Variants in IPP observed in about 807,000 individuals in gnomAD.
IPP encodes intracisternal A particle-promoted polypeptide.
Under a neutral mutation model 64.1 loss-of-function variants are expected in IPP, and 41 were observed. The ratio of observed to expected loss-of-function variants is 0.64; its 90% CI spans 0.50 to 0.83. The LOEUF is 0.83. Ranked by LOEUF, IPP falls within the 40% of genes least tolerant of loss-of-function variation. The probability of loss-of-function intolerance (pLI) is 0.00; values close to 1 mark genes in which losing one functional copy is unlikely to be tolerated. For missense variants in IPP, 649 were observed against 703.0 expected, an observed-to-expected ratio of 0.92 and a Z score of 0.87; for synonymous variants, 214 against 235.2, an observed-to-expected ratio of 0.91 and a Z score of 0.83.
chr1:45,714,338 C>G lies in IPP; in HGVS notation c.1438G>C (p.Val480Leu). 1 of 1,613,894 alleles carries G rather than the reference C, an allele frequency of 6.2e-7. No individual in the cohort carries two copies. Among genetic ancestry groups the G allele is most frequent in the Non-Finnish European group, 8.5e-7 (1 of 1,179,736 alleles). The change falls in exon 8 of 9, where the codon GTG becomes CTG. Residue 480 changes from valine (V) to leucine (L), a missense_variant. Transcript: ENST00000396478. ...TAGATGCAGTCATTGAGTGCAGCCA[C>G]ACCAAGATATGCTCTCCTGGTTCCC... ...PMGTRRAYLG[V>L]AALNDCIYSV...
intron 4 of IPP, among the ~76,000 whole-genome samples, chr1:45,728,984 A>T (rs771135541): frequency 6.6e-6 from 1 of 150,748 alleles, no homozygotes; most frequent in African/African-American, 2.4e-5. Context: ...ATATATATAT[A>T]GGTATACAAA....
At chr1:45,741,990 A>G (rs1262989074) in intron 2 of IPP, among the ~76,000 whole-genome samples, 6 of 152,238 alleles carry the variant, frequency 3.9e-5, no homozygotes, top group Non-Finnish European at 7.3e-5. Context: ...TTGCATGGTA[A>G]AGCAAGTTGC....
Position 45,714,313 on chromosome 1 carries a change from T to C in IPP, c.1463A>G (p.Tyr488Cys), listed in dbSNP as rs1296840571. 3 of 1,614,058 alleles carry C rather than the reference T, an allele frequency of 1.9e-6. No homozygotes were observed. The highest frequency in any genetic ancestry group is 1.7e-5 in the Admixed American group (1 of 60,004). ...GGTCTCATTCCATCCTCCAACAGAA[T>C]AGATGCAGTCATTGAGTGCAGCCAC... is the stretch of plus-strand genomic sequence containing the variant. ...LGVAALNDCI[Y>C]SVGGWNETQD... The change falls in exon 8 of 9, where the codon TAT becomes TGT. Residue 488 changes from tyrosine (Y) to cysteine (C), a missense_variant. Physicochemically the swap from Tyr to Cys is radical, Grantham distance 194 (BLOSUM62 -2). Transcript: ENST00000396478.
intron 8 of IPP, 144 bp from the exon 9 acceptor site, chr1:45,700,334 C>CTT (rs943435303): frequency 1.7e-6 from 2 of 1,177,820 alleles, no homozygotes; most frequent in African/African-American, 3.1e-5. Flanking sequence ...ATTTTTTTTT[C>CTT]TTTTTTTTGC....
intron 8 of IPP, among the ~76,000 whole-genome samples, chr1:45,708,695 A>G (rs1471185040): frequency 6.7e-6 from 1 of 150,058 alleles, no homozygotes; most frequent in Non-Finnish European, 1.5e-5. Context: ...AAAAAAAAAA[A>G]AAAAGCAACC....
chr1:45,720,004 G>A (rs1232661643), intron 5 of IPP, among the ~76,000 whole-genome samples: 1 of 152,070 alleles, frequency 6.6e-6, no homozygotes, highest in East Asian at 1.9e-4. Context: ...TTACAGGTGT[G>A]AGACACCGCA....
chr1:45,704,747 G>T (rs1191613809), intron 8 of IPP, among the ~76,000 whole-genome samples: 1 of 152,150 alleles, frequency 6.6e-6, no homozygotes, highest in African/African-American at 2.4e-5. Context: ...TACTGAGGGT[G>T]GCTATGAGGT....
intron 3 of IPP, among the ~76,000 whole-genome samples, chr1:45,730,632 A>G (rs1645893931): frequency 6.6e-6 from 1 of 152,202 alleles, no homozygotes; most frequent in Non-Finnish European, 1.5e-5. Context: ...AAACGGCATG[A>G]GAGTCAACCT....
chr1:45,699,320 G>C lies in IPP; in HGVS notation c.*646C>G. Reference sequence around the variant, plus strand: ...AATCTATTTCATTGGCTTTCTCTGTGGCTCAAACTATGGCCATGGAAAATT... The same window carrying C: ...AATCTATTTCATTGGCTTTCTCTGTCGCTCAAACTATGGCCATGGAAAATT... On this transcript the variant is annotated 3_prime_UTR_variant, in exon 9 of 9. Coordinates refer to ENST00000396478, the MANE Select transcript of IPP (RefSeq NM_005897.3). 1 of 985,302 alleles carries C rather than the reference G, an allele frequency of 1.0e-6. No homozygotes were observed. Among genetic ancestry groups the C allele is most frequent in the Non-Finnish European group, 1.2e-6 (1 of 829,876 alleles). The allele number at this position is 985,302 out of a possible 1,614,324, so 61.0% of individuals were successfully genotyped here. A position where few individuals can be genotyped will look rare whatever the true frequency, so the allele number is the denominator to read the frequency against.
At chr1:45,708,416 C>T (rs1645543863) in intron 8 of IPP, among the ~76,000 whole-genome samples, 1 of 148,854 alleles carries the variant, frequency 6.7e-6, no homozygotes, top group Non-Finnish European at 1.5e-5. Context: ...CGGTGGCTCA[C>T]ATCTGTAATC....
intron 6 of IPP, among the ~76,000 whole-genome samples, chr1:45,717,601 T>A (rs1645678439): frequency 6.6e-6 from 1 of 151,976 alleles, no homozygotes; most frequent in African/African-American, 2.4e-5. Flanking sequence ...AAGCTCCACC[T>A]CCTGGGTTCA....
intron 2 of IPP, among the ~76,000 whole-genome samples, chr1:45,743,312 A>G (rs796435708): frequency 1.5e-4 from 22 of 144,530 alleles, no homozygotes; most frequent in African/African-American, 5.7e-4. Flanking sequence ...GTCTCTGCTC[A>G]CTGCAACCTC....
In IPP at chr1:45,699,698, T is replaced by G. The variant is rs1645421518; in HGVS notation, c.*268A>C. 5.3e-6 allele frequency: 6 copies of G among 1,138,050 alleles called. No homozygotes were observed. Among genetic ancestry groups the G allele is most frequent in the African/African-American group, 1.6e-5 (1 of 63,724 alleles). The allele number at this position is 1,138,050 out of a possible 1,614,324, so 70.5% of individuals were successfully genotyped here. A position where few individuals can be genotyped will look rare whatever the true frequency, so the allele number is the denominator to read the frequency against. Reference sequence around the variant, plus strand: ...TTCTTTAAGAGACAGGATCTCATTCTGTTGCCCAGAGTGGAGTGCAGTGGC... The same window carrying G: ...TTCTTTAAGAGACAGGATCTCATTCGGTTGCCCAGAGTGGAGTGCAGTGGC... On this transcript the variant is annotated 3_prime_UTR_variant, in exon 9 of 9. Coordinates refer to ENST00000396478, the MANE Select transcript of IPP (RefSeq NM_005897.3).
At chr1:45,723,689 A>AT (rs1185815057) in intron 5 of IPP, among the ~76,000 whole-genome samples, 1 of 152,154 alleles carries the variant, frequency 6.6e-6, no homozygotes, top group Non-Finnish European at 1.5e-5. Flanking sequence ...GTTCTGAGTT[A>AT]TATACCCTCC....
At chr1:45,734,894 C>T (rs1410227923) in intron 3 of IPP, among the ~76,000 whole-genome samples, 2 of 152,324 alleles carry the variant, frequency 1.3e-5, no homozygotes, top group East Asian at 3.9e-4. Context: ...ATTCTCCTGC[C>T]TCAGCCTCCC....
At chr1:45,724,172 C>T (rs1242309747) in intron 5 of IPP, among the ~76,000 whole-genome samples, 1 of 152,068 alleles carries the variant, frequency 6.6e-6, no homozygotes, top group African/African-American at 2.4e-5. Context: ...TTGGTGGAGA[C>T]GGGGTTTTGC....
rs774336352 is a variant in IPP at position 45,714,312 on chromosome 1, A to G, written c.1464T>C (p.Tyr488=). 7 of 1,614,166 alleles carry G rather than the reference A, an allele frequency of 4.3e-6. No individual in the cohort carries two copies. In the Admixed American group the frequency reaches 1.0e-4, roughly 23 times the overall value. Reference sequence around the variant, plus strand: ...GGGTCTCATTCCATCCTCCAACAGAATAGATGCAGTCATTGAGTGCAGCCA... The same window carrying G: ...GGGTCTCATTCCATCCTCCAACAGAGTAGATGCAGTCATTGAGTGCAGCCA... ...LGVAALNDCI[Y]SVGGWNETQD... is the part of the protein sequence containing the mutation. The change falls in exon 8 of 9, where the codon TAT becomes TAC. Residue 488 remains tyrosine (Y), a synonymous_variant. Transcript: ENST00000396478.
intron 5 of IPP, among the ~76,000 whole-genome samples, chr1:45,722,755 T>C (rs1180232550): frequency 6.6e-6 from 1 of 152,164 alleles, no homozygotes; most frequent in Admixed American, 6.5e-5. Flanking sequence ...AATGTAAATG[T>C]CCATCAACTA....
intron 7 of IPP, among the ~76,000 whole-genome samples, chr1:45,716,465 G>A (rs886364164): frequency 4.6e-5 from 7 of 152,164 alleles, no homozygotes; most frequent in East Asian, 1.9e-4. Context: ...GGATGGTCTC[G>A]AACTCCTAAC....
Sources: allele counts gnomAD v4.1 joint callset (sites outside exome capture counted in the v4.1 genomes callset), GRCh38; gene constraint gnomAD v4.1.1; transcripts MANE v1.5; gene names NCBI Gene and HGNC (gene_info 2026-07-23, HGNC 2026-07-21).